LRRC49: variants seen among roughly 807,000 people sequenced by gnomAD.
LRRC49 encodes the protein leucine-rich repeat-containing protein 49.
Under a neutral mutation model 83.3 loss-of-function variants are expected in LRRC49, and 50 were observed. That is an observed-to-expected ratio of 0.60 (90% confidence interval 0.48 to 0.76). The LOEUF (loss-of-function observed/expected upper bound fraction) is 0.76. LRRC49 is among the 30% of genes least tolerant of loss of function. LRRC49 has a pLI of 0.00. For synonymous variants in LRRC49, 286 were observed against 283.3 expected, an observed-to-expected ratio of 1.01 and a Z score of -0.10; for missense variants, 704 against 809.1, an observed-to-expected ratio of 0.87 and a Z score of 1.58.
chr15:70,957,118 A>G (rs2036429788), intron 8 of LRRC49, among the ~76,000 whole-genome samples: 1 of 152,206 alleles, frequency 6.6e-6, no homozygotes, highest in South Asian at 2.1e-4. Context: ...TTTGTGTGTG[A>G]CACCACCCAT....
In LRRC49 at chr15:70,853,839, G is replaced by T. The variant is rs1450054517; in HGVS notation, c.-299+370G>T. On this transcript the variant is annotated intron_variant, in intron 1 of 16. Coordinates refer to the LRRC49 transcript ENST00000544974. ...CAGTCAGCGCCCCGAACTCGCGCGC[G>T]GCCCGGCGCCCCCTCGGGGCCCACC... 13 of 1,195,380 alleles carry T rather than the reference G, an allele frequency of 1.1e-5. No individual in the cohort carries two copies. In the Admixed American group the frequency reaches 3.5e-4, roughly 32 times the overall value. 74.0% of individuals were successfully genotyped at this position (1,195,380 alleles called of 1,614,324 possible). A position where few individuals can be genotyped will look rare whatever the true frequency, so the allele number is the denominator to read the frequency against.
Position 70,882,443 on chromosome 15 carries a change from A to G in LRRC49, c.18+9220A>G, listed in dbSNP as rs900243836. 5 of 1,598,154 alleles carry G rather than the reference A, an allele frequency of 3.1e-6. No homozygotes were observed. In the South Asian group the frequency reaches 4.5e-5, roughly 14 times the overall value. On this transcript the variant is annotated intron_variant, in intron 2 of 16. Coordinates refer to the LRRC49 transcript ENST00000544974. ...AATCTATAGCACATCAGAGCATTTGATGTTGAGTTTTTAACATGTTTCTTC... is the reference window on the plus strand; with the variant it reads ...AATCTATAGCACATCAGAGCATTTGGTGTTGAGTTTTTAACATGTTTCTTC...
intron 6 of LRRC49, chr15:70,918,849 A>G: frequency 2.1e-6 from 1 of 468,752 alleles, no homozygotes; most frequent in Non-Finnish European, 3.8e-6. Context: ...ATTGTAAAAT[A>G]TGATCTTTTA....
intron 11 of LRRC49, among the ~76,000 whole-genome samples, chr15:70,984,964 A>AT (rs1331484740): frequency 6.6e-4 from 96 of 145,052 alleles, no homozygotes; most frequent in African/African-American, 2.3e-3. Context: ...TGAACTCATC[A>AT]TTTTTTATGG....
rs141725102 is a variant in LRRC49 at position 70,896,657 on chromosome 15, A to G, written c.193+721A>G. 3.3e-5 allele frequency among the ~76,000 whole-genome samples: 5 copies of G among 152,276 alleles called. No homozygotes were observed. In the East Asian group the frequency reaches 9.6e-4, roughly 29 times the overall value. On this transcript the variant is annotated intron_variant, in intron 3 of 15. Coordinates refer to ENST00000260382, the MANE Select transcript of LRRC49 (RefSeq NM_017691.5). ...GCCATTAGCTTTCTGTAATGTGCTC[A>G]TGTTAAACACTTCTGAATCCACATA...
chr15:70,853,971 T>C, intron 1 of LRRC49: 1 of 1,458,398 alleles, frequency 6.9e-7, no homozygotes, highest in Non-Finnish European at 9.1e-7. Flanking sequence ...GCGCCCCGAG[T>C]CTCCGCCCCC....
chr15:70,950,767 G>T (rs779126066), intron 8 of LRRC49, among the ~76,000 whole-genome samples: 43 of 152,048 alleles, frequency 2.8e-4, no homozygotes, highest in Non-Finnish European at 5.6e-4. Flanking sequence ...AGTTTAATTA[G>T]GTCCTACTTG....
In LRRC49 at chr15:70,900,983, TGAAGA is replaced by T; in HGVS notation, c.259_263del (p.Glu87AsnfsTer44). 6.2e-7 allele frequency: 1 copy of T among 1,611,210 alleles called. No homozygotes were observed. The highest frequency in any genetic ancestry group is 8.5e-7 in the Non-Finnish European group (1 of 1,178,420). On this transcript the variant is annotated frameshift_variant, in exon 4 of 16. Coordinates refer to ENST00000260382, the MANE Select transcript of LRRC49 (RefSeq NM_017691.5). LOFTEE classifies it high-confidence loss of function. ...CATTTCCTATTCTTCAACGTTCTTC[TGAAGA>T]GAAAATTCTTTACTCAGACAGGTTG...
At chr15:71,000,715 A>G (rs939515166) in intron 11 of LRRC49, among the ~76,000 whole-genome samples, 5 of 152,214 alleles carry the variant, frequency 3.3e-5, no homozygotes, top group African/African-American at 9.6e-5. Context: ...CTGTTTCTAC[A>G]TTTCTGACTT....
At chr15:70,854,575 A>G (rs1489436072) in intron 1 of LRRC49, among the ~76,000 whole-genome samples, 1 of 152,106 alleles carries the variant, frequency 6.6e-6, no homozygotes, top group African/African-American at 2.4e-5. Context: ...TGTCTCCCCC[A>G]CTGGCCTGCC....
At chr15:70,910,474 A>G (rs938643189) in intron 5 of LRRC49, among the ~76,000 whole-genome samples, 2 of 152,210 alleles carry the variant, frequency 1.3e-5, no homozygotes, top group Non-Finnish European at 2.9e-5. Context: ...TGGTTCTTTG[A>G]GGCAGTAAAC....
chr15:70,895,822 A>AT lies in LRRC49; in HGVS notation c.106-20dup, dbSNP rs753017377. On this transcript the variant is annotated intron_variant, in intron 2 of 15. Transcript: ENST00000260382. ...CTTGGTGTTAAATTTGTCTCCAAAT[A>AT]TTTTTTTCTTTAATAATGTTTTTCA... 9.0e-6 allele frequency: 13 copies of AT among 1,443,220 alleles called. No individual in the cohort carries two copies. The South Asian group carries it at 1.1e-4, about 12-fold the overall frequency. The allele number at this position is 1,443,220 out of a possible 1,614,324, so 89.4% of individuals were successfully genotyped here.
At chr15:70,966,261 G>T (rs560519858) in intron 9 of LRRC49, among the ~76,000 whole-genome samples, 1 of 152,060 alleles carries the variant, frequency 6.6e-6, no homozygotes, top group East Asian at 1.9e-4. Flanking sequence ...CCTAAACTGC[G>T]TGCAGAGGAT....
At chr15:70,900,632 G>A (rs1191785505) in intron 3 of LRRC49, 2 of 473,010 alleles carry the variant, frequency 4.2e-6, no homozygotes, top group African/African-American at 3.9e-5. Context: ...TTTAAGACAA[G>A]GAGTCAGGAT....
chr15:71,034,734 C>T (rs1183206469), intron 14 of LRRC49, among the ~76,000 whole-genome samples: 2 of 152,116 alleles, frequency 1.3e-5, no homozygotes, highest in Non-Finnish European at 2.9e-5. Flanking sequence ...GGTCATGTCC[C>T]TTGCAAGGAC....
chr15:70,975,321 T>C (rs554488083), intron 9 of LRRC49, among the ~76,000 whole-genome samples: 2 of 152,166 alleles, frequency 1.3e-5, no homozygotes, highest in Non-Finnish European at 2.9e-5. Context: ...AGGACCCTTA[T>C]ATAGAAAATT....
chr15:70,872,923 G>A, exon 2 of LRRC49: 1 of 221,866 alleles, frequency 4.5e-6, no homozygotes. Context: ...GTCTCACTCT[G>A]TCGCCTAGGC....
intron 8 of LRRC49, among the ~76,000 whole-genome samples, chr15:70,960,040 T>G (rs917285937): frequency 2.0e-4 from 31 of 152,242 alleles, no homozygotes; most frequent in African/African-American, 7.2e-4. Flanking sequence ...GTCCAGTTTT[T>G]AAAGTCTAGT....
At chr15:70,894,596 A>C (rs2033749917) in intron 2 of LRRC49, 1 of 1,283,304 alleles carries the variant, frequency 7.8e-7, no homozygotes, top group South Asian at 1.2e-5. Flanking sequence ...TACTTTCTAC[A>C]CACTATGTCT....
Sources: allele counts gnomAD v4.1 joint callset (sites outside exome capture counted in the v4.1 genomes callset), GRCh38; gene constraint gnomAD v4.1.1; transcripts MANE v1.5; gene names NCBI Gene and HGNC (gene_info 2026-07-23, HGNC 2026-07-21).